The following NLGN4X variants were observed in gnomAD, a reference collection of about 807,000 sequenced individuals.
The protein encoded by NLGN4X is neuroligin 4 X-linked.
A neutral mutation model predicts 40.3 loss-of-function variants in NLGN4X; 3 were observed. The observed-to-expected ratio is 0.07, with a 90% CI of 0.03 to 0.19. The LOEUF (loss-of-function observed/expected upper bound fraction) is 0.19, where lower values mean the gene tolerates loss of function less well. NLGN4X is among the 10% of genes least tolerant of loss of function. The pLI is 1.00. For missense variants in NLGN4X, 382 were observed against 708.3 expected, an observed-to-expected ratio of 0.54 and a Z score of 5.23; for synonymous variants, 270 against 306.8, an observed-to-expected ratio of 0.88 and a Z score of 1.25.
intron 2 of NLGN4X, among the ~76,000 whole-genome samples, chrX:6,045,823 T>C (rs2037303137): frequency 9.0e-6 from 1 of 111,550 alleles, no homozygotes; most frequent in Admixed American, 9.6e-5. Flanking sequence ...CACCATCATA[T>C]TTCAAGATAC....
chrX:5,925,881 CATATATATATATATATATATAT>C (rs55860509), intron 3 of NLGN4X, among the ~76,000 whole-genome samples: 34 of 19,518 alleles, frequency 1.7e-3, no homozygotes, highest in Admixed American at 6.4e-3. Context: ...TACATACACA[CATATATATATATATATATATAT>C]ATATATATAT....
chrX:6,154,341 T>A (rs1199921149), intron 1 of NLGN4X, among the ~76,000 whole-genome samples: 1 of 112,247 alleles, frequency 8.9e-6, no homozygotes, highest in Non-Finnish European at 1.9e-5. Context: ...CGTGTATGTG[T>A]GTGTGTGTGA....
intron 1 of NLGN4X, among the ~76,000 whole-genome samples, chrX:6,181,860 A>G (rs1279715728): frequency 8.9e-6 from 1 of 111,992 alleles, no homozygotes; most frequent in African/African-American, 3.2e-5. Context: ...ATTCAGGGGA[A>G]TTTTTAGTCT....
chrX:6,025,738 T>C (rs2036671865), intron 3 of NLGN4X, among the ~76,000 whole-genome samples: 1 of 109,771 alleles, frequency 9.1e-6, no homozygotes, highest in Non-Finnish European at 1.9e-5. Flanking sequence ...ACCCCGTCTC[T>C]ACTAAAAATA....
intron 3 of NLGN4X, among the ~76,000 whole-genome samples, chrX:6,003,802 G>A (rs1258956514): frequency 8.9e-6 from 1 of 112,287 alleles, no homozygotes; most frequent in African/African-American, 3.2e-5. Context: ...GGTCTCTGCG[G>A]ATGGCAAAGC....
intron 3 of NLGN4X, among the ~76,000 whole-genome samples, chrX:5,981,853 C>T (rs1016838530): frequency 9.0e-6 from 1 of 111,085 alleles, no homozygotes; most frequent in Non-Finnish European, 1.9e-5. Flanking sequence ...AGGTAGCTAG[C>T]GTTATTGCTA....
At chrX:5,997,631 T>TATATATAC (rs2035865382) in intron 3 of NLGN4X, among the ~76,000 whole-genome samples, 1 of 32,668 alleles carries the variant, frequency 3.1e-5, no homozygotes, top group Non-Finnish European at 4.9e-5. Flanking sequence ...TATATATATA[T>TATATATAC]ACACACGTAT....
intron 2 of NLGN4X, among the ~76,000 whole-genome samples, chrX:6,123,401 C>A (rs2039468923): frequency 8.9e-6 from 1 of 111,822 alleles, no homozygotes; most frequent in Admixed American, 9.6e-5. Flanking sequence ...AAATCCAAAT[C>A]CACTTACATC....
intron 1 of NLGN4X, among the ~76,000 whole-genome samples, chrX:6,161,926 GAACT>G (rs1396363350): frequency 1.8e-5 from 2 of 111,117 alleles, no homozygotes; most frequent in African/African-American, 6.5e-5. Context: ...ATATATATTC[GAACT>G]AACCAAGTGA....
intron 3 of NLGN4X, among the ~76,000 whole-genome samples, chrX:5,965,443 CAT>C (rs752902744): frequency 8.9e-6 from 1 of 112,284 alleles, no homozygotes; most frequent in East Asian, 2.8e-4. Flanking sequence ...AGAATGTGCA[CAT>C]CTTCGAGGCA....
At chrX:5,967,589 CT>C (rs141690702) in intron 3 of NLGN4X, among the ~76,000 whole-genome samples, 18,961 of 110,938 alleles carry the variant, frequency 0.17, 1,222 homozygotes, top group East Asian at 0.27. Context: ...TGAACCTTTG[CT>C]GTCACATTGT....
intron 2 of NLGN4X, among the ~76,000 whole-genome samples, chrX:6,089,651 G>A (rs1388231442): frequency 8.9e-6 from 1 of 112,305 alleles, no homozygotes; most frequent in Admixed American, 9.4e-5. Flanking sequence ...ACCCCAAAGG[G>A]GTATGTGTTG....
chrX:6,038,792 G>C (rs147097357), intron 2 of NLGN4X, among the ~76,000 whole-genome samples: 223 of 111,904 alleles, frequency 2.0e-3, no homozygotes, highest in Middle Eastern at 4.7e-3. Flanking sequence ...AGAAAAGGTT[G>C]GTAACAAAGT....
intron 2 of NLGN4X, among the ~76,000 whole-genome samples, chrX:6,076,956 T>G (rs1327992153): frequency 8.9e-6 from 1 of 112,289 alleles, no homozygotes; most frequent in Non-Finnish European, 1.9e-5. Context: ...TAGCATCATC[T>G]GTGCTCAGAC....
intron 2 of NLGN4X, among the ~76,000 whole-genome samples, chrX:6,059,605 T>C (rs148339139): frequency 0.017 from 1,906 of 111,493 alleles, 36 homozygotes; most frequent in African/African-American, 0.06. Flanking sequence ...CTGCCTTACC[T>C]GCCTAGTGCA....
At chrX:5,997,651 T>TG (rs2035867510) in intron 3 of NLGN4X, among the ~76,000 whole-genome samples, 2 of 103,336 alleles carry the variant, frequency 1.9e-5, no homozygotes, top group Admixed American at 2.2e-4. Context: ...TATATATATA[T>TG]ATATAATAGC....
intron 2 of NLGN4X, chrX:6,032,637 T>G (rs1009158010): frequency 1.3e-5 from 10 of 787,406 alleles, no homozygotes; most frequent in South Asian, 8.4e-5. Context: ...AAAAGAGAGA[T>G]AGATAGATAT....
At position 5,903,723 on chromosome X, in the gene NLGN4X, G is replaced by T. The variant is rs199769855; in HGVS notation, c.955C>A (p.Arg319=). ...LDTTDMVECL[R]NKNYKELIQQ... is the part of the protein sequence containing the mutation. ...ATGAGCTCCTTGTAGTTCTTGTTCC[G>T]CAGGCATTCTACCATGTCCGTGGTG... is the stretch of plus-strand genomic sequence containing the variant. The change falls in exon 5 of 6, where the codon CGG becomes AGG. Residue 319 remains arginine (R), a synonymous_variant. Transcript: ENST00000381095. 83 of 1,209,943 alleles carry T rather than the reference G, an allele frequency of 6.9e-5. 2 individuals carry two copies. In the East Asian group the frequency reaches 1.4e-3, roughly 20 times the overall value.
intron 2 of NLGN4X, among the ~76,000 whole-genome samples, chrX:6,043,156 CACAA>C (rs1330336683): frequency 9.3e-4 from 95 of 102,190 alleles, no homozygotes; most frequent in East Asian, 5.4e-3. Context: ...CACACACACA[CACAA>C]ACACACGTAT....
Sources: allele counts gnomAD v4.1 joint callset (sites outside exome capture counted in the v4.1 genomes callset), GRCh38; gene constraint gnomAD v4.1.1; transcripts MANE v1.5; gene names NCBI Gene and HGNC (gene_info 2026-07-23, HGNC 2026-07-21).